PDE4D: variants seen among roughly 807,000 people sequenced by gnomAD.
PDE4D encodes the protein 3',5'-cyclic-AMP phosphodiesterase 4D.
A neutral mutation model predicts 87.4 loss-of-function variants in PDE4D; 24 were observed. That is an observed-to-expected ratio of 0.27 (90% confidence interval 0.20 to 0.39). The LOEUF (loss-of-function observed/expected upper bound fraction) is 0.39, where lower values mean the gene tolerates loss of function less well. Ranked by LOEUF, PDE4D falls within the 10% of genes least tolerant of loss-of-function variation. The pLI, the probability that PDE4D is intolerant of heterozygous loss-of-function variation, is 1.00. For synonymous variants in PDE4D, 384 were observed against 383.2 expected, an observed-to-expected ratio of 1.00 and a Z score of -0.02; for missense variants, 714 against 1,041.0, an observed-to-expected ratio of 0.69 and a Z score of 4.32.
chr5:59,875,687 C>T (rs945757229), intron 1 of PDE4D, among the ~76,000 whole-genome samples: 3 of 151,930 alleles, frequency 2.0e-5, no homozygotes, highest in East Asian at 3.9e-4. Context: ...TCCAACCAAT[C>T]CACACTATTC....
chr5:59,401,747 C>T (rs1388193082), intron 1 of PDE4D, among the ~76,000 whole-genome samples: 1 of 152,174 alleles, frequency 6.6e-6, no homozygotes, highest in Non-Finnish European at 1.5e-5. Context: ...GGAGAGGGAA[C>T]AGCTTAAAGC....
chr5:59,336,189 T>G (rs1417775646), intron 1 of PDE4D, among the ~76,000 whole-genome samples: 1 of 152,138 alleles, frequency 6.6e-6, no homozygotes, highest in Non-Finnish European at 1.5e-5. Flanking sequence ...TCAAATAAAC[T>G]ATTCCATGAA....
At position 59,175,285 on chromosome 5, in the gene PDE4D, G is replaced by A. The variant is rs77077582; in HGVS notation, c.808+5310C>T. 2.9e-3 allele frequency among the ~76,000 whole-genome samples: 445 copies of A among 152,246 alleles called. 8 individuals are homozygous for A. In the East Asian group the frequency reaches 0.053, roughly 18 times the overall value. ...ACTAAAAATGTCATGCCATGACTGT[G>A]TGAAAACAAAATCATAAATGAAATG... On this transcript the variant is annotated intron_variant, in intron 5 of 14. Coordinates refer to ENST00000340635, the MANE Select transcript of PDE4D (RefSeq NM_001104631.2).
chr5:60,089,159 A>C (rs763927697), intron 2 of PDE4D, among the ~76,000 whole-genome samples: 4 of 152,048 alleles, frequency 2.6e-5, no homozygotes, highest in Non-Finnish European at 2.9e-5. Flanking sequence ...ACAAAGAAAC[A>C]TCAGAATTAA....
intron 1 of PDE4D, among the ~76,000 whole-genome samples, chr5:59,445,826 T>C (rs1309327227): frequency 1.3e-5 from 2 of 152,182 alleles, no homozygotes; most frequent in Non-Finnish European, 2.9e-5. Context: ...GCCATCTGCC[T>C]CACAATATAA....
Position 59,906,276 on chromosome 5 carries a change from G to A in PDE4D, c.272+82212C>T, listed in dbSNP as rs1317129318. ...AATTTGCCAGATACAGTGTGGGTCA[G>A]GTTCCTATCTATTTTTAATCGAGAA... On this transcript the variant is annotated intron_variant, in intron 3 of 16. Coordinates refer to the PDE4D transcript ENST00000502484. Among the ~76,000 whole-genome samples, 4 of 152,226 alleles carry A rather than the reference G, an allele frequency of 2.6e-5. No homozygotes were observed. In the East Asian group the frequency reaches 7.7e-4, roughly 29 times the overall value.
intron 2 of PDE4D, among the ~76,000 whole-genome samples, chr5:60,123,051 C>A (rs1054558396): frequency 6.6e-6 from 1 of 152,198 alleles, no homozygotes. Context: ...CAGTTCCCAA[C>A]AAGTTCCTTA....
At chr5:59,356,609 T>G in intron 1 of PDE4D, 1 of 623,382 alleles carries the variant, frequency 1.6e-6, no homozygotes, top group Non-Finnish European at 2.6e-6. Context: ...TATTTCAAGG[T>G]TTACATCATC....
chr5:59,709,740 G>A (rs1753939406), intron 1 of PDE4D, among the ~76,000 whole-genome samples: 1 of 152,172 alleles, frequency 6.6e-6, no homozygotes, highest in South Asian at 2.1e-4. Context: ...TAGACGATTT[G>A]AAGGCAGTTG....
chr5:60,223,295 C>T (rs1212212810), intron 1 of PDE4D, among the ~76,000 whole-genome samples: 1 of 152,118 alleles, frequency 6.6e-6, no homozygotes, highest in East Asian at 1.9e-4. Flanking sequence ...ACAGTATAAA[C>T]ATACCTATCG....
chr5:59,279,296 T>C (rs1765386657), intron 1 of PDE4D, among the ~76,000 whole-genome samples: 1 of 152,118 alleles, frequency 6.6e-6, no homozygotes, highest in Non-Finnish European at 1.5e-5. Flanking sequence ...TATTCTCTAT[T>C]GTACTCTAAC....
intron 2 of PDE4D, among the ~76,000 whole-genome samples, chr5:60,077,627 T>C (rs1029593728): frequency 2.0e-5 from 3 of 152,230 alleles, no homozygotes; most frequent in Admixed American, 2.0e-4. Context: ...CAGGTGACAG[T>C]TCCCCTAGGG....
At chr5:59,211,634 T>C (rs2153503522) in intron 2 of PDE4D, among the ~76,000 whole-genome samples, 1 of 152,210 alleles carries the variant, frequency 6.6e-6, no homozygotes, top group East Asian at 1.9e-4. Context: ...GACTTTGGCT[T>C]TCTAACCTGT....
chr5:60,308,001 A>G (rs1053273459), intron 1 of PDE4D, among the ~76,000 whole-genome samples: 1 of 152,200 alleles, frequency 6.6e-6, no homozygotes, highest in South Asian at 2.1e-4. Context: ...AGATAGCACC[A>G]TTGCTCTCCA....
intron 1 of PDE4D, among the ~76,000 whole-genome samples, chr5:59,812,434 A>G (rs1768460256): frequency 6.6e-6 from 1 of 152,140 alleles, no homozygotes; most frequent in African/African-American, 2.4e-5. Context: ...GCACTTTGGG[A>G]GGCCGAGGCA....
At chr5:59,435,605 A>G (rs150908035) in intron 1 of PDE4D, among the ~76,000 whole-genome samples, 1 of 152,262 alleles carries the variant, frequency 6.6e-6, no homozygotes, top group African/African-American at 2.4e-5. Flanking sequence ...ACACTGTTTC[A>G]TAGCTGTTCA....
At chr5:60,404,307 G>C (rs1269408102) in intron 1 of PDE4D, among the ~76,000 whole-genome samples, 1 of 151,308 alleles carries the variant, frequency 6.6e-6, no homozygotes, top group Non-Finnish European at 1.5e-5. Context: ...TCATCAGAAT[G>C]GAATGTTGAG....
intron 2 of PDE4D, among the ~76,000 whole-genome samples, chr5:60,178,230 A>G (rs1784097436): frequency 6.6e-6 from 1 of 152,128 alleles, no homozygotes; most frequent in African/African-American, 2.4e-5. Context: ...ATCTAATTGC[A>G]TTTTATGGTG....
At position 59,389,175 on chromosome 5, in the gene PDE4D, T is replaced by C. The variant is rs181250940; in HGVS notation, c.456-173207A>G. On this transcript the variant is annotated intron_variant, in intron 1 of 14. Transcript: ENST00000340635. The stretch of plus-strand genomic sequence containing the variant: ...GCACCCTGAGATACCCAAAAAGTGA[T>C]AGACCCCTTAAAGAGATAATCTCTA... Among the ~76,000 whole-genome samples, 184 of 152,186 alleles carry C rather than the reference T, an allele frequency of 1.2e-3. 3 individuals are homozygous for C. Among genetic ancestry groups the C allele is most frequent in the Middle Eastern group, 0.01 (3 of 294 alleles).
Sources: allele counts gnomAD v4.1 joint callset (sites outside exome capture counted in the v4.1 genomes callset), GRCh38; gene constraint gnomAD v4.1.1; transcripts MANE v1.5; gene names NCBI Gene and HGNC (gene_info 2026-07-23, HGNC 2026-07-21).